ITK: variants seen among roughly 807,000 people sequenced by gnomAD.
ITK encodes tyrosine-protein kinase ITK/TSK.
In ITK, 45 loss-of-function variants were observed where a neutral mutation model predicts 87.6. The ratio of observed to expected loss-of-function variants is 0.51; its 90% CI spans 0.40 to 0.66. The LOEUF (loss-of-function observed/expected upper bound fraction) is 0.66. Ranked by LOEUF, ITK falls within the 30% of genes least tolerant of loss-of-function variation. The pLI is 0.00. For synonymous variants in ITK, 303 were observed against 273.6 expected, an observed-to-expected ratio of 1.11 and a Z score of -1.06; for missense variants, 605 against 766.3, an observed-to-expected ratio of 0.79 and a Z score of 2.48.
chr5:157,208,039 T>C (rs528648123), intron 1 of ITK, among the ~76,000 whole-genome samples: 2 of 152,290 alleles, frequency 1.3e-5, no homozygotes, highest in East Asian at 3.9e-4. Context: ...CTGAATTCCA[T>C]AGCTGAATTC....
chr5:157,218,801 T>A (rs1383544027), intron 5 of ITK, among the ~76,000 whole-genome samples: 1 of 152,118 alleles, frequency 6.6e-6, no homozygotes, highest in Non-Finnish European at 1.5e-5. Context: ...GTTCTCAAAG[T>A]ATAGTCCATG....
At chr5:157,241,297 C>T (rs1262653269) in intron 10 of ITK, 2 of 173,622 alleles carry the variant, frequency 1.2e-5, no homozygotes, top group Admixed American at 6.0e-5. Flanking sequence ...TATCAGCACC[C>T]ACACAGGAGA....
intron 1 of ITK, among the ~76,000 whole-genome samples, chr5:157,188,788 ATT>A (rs1158858212): frequency 8.5e-5 from 13 of 152,124 alleles, no homozygotes; most frequent in African/African-American, 2.9e-4. Flanking sequence ...TCTGTTGTTG[ATT>A]TATTTCCCAT....
intron 1 of ITK, among the ~76,000 whole-genome samples, chr5:157,181,862 CTA>C (rs756073130): frequency 6.6e-6 from 1 of 152,148 alleles, no homozygotes; most frequent in Non-Finnish European, 1.5e-5. Context: ...CTTAACATCA[CTA>C]ATAACAAAAG....
At chr5:157,207,337 C>T (rs190764813) in intron 1 of ITK, among the ~76,000 whole-genome samples, 188 of 150,298 alleles carry the variant, frequency 1.3e-3, no homozygotes, top group African/African-American at 4.3e-3. Context: ...CTCACAGACA[C>T]ACCCCAAAAT....
chr5:157,232,536 T>G, intron 8 of ITK, 142 bp downstream of exon 8: 2 of 670,124 alleles, frequency 3.0e-6, no homozygotes, highest in Non-Finnish European at 5.5e-6. Flanking sequence ...GAGCTATCAT[T>G]GTACCACTGC....
intron 1 of ITK, chr5:157,199,904 TA>T (rs1753931697): frequency 6.6e-6 from 1 of 152,216 alleles, no homozygotes; most frequent in African/African-American, 2.4e-5. Flanking sequence ...CCCCCTCATC[TA>T]TCTATCAAGC....
chr5:157,205,293 C>A (rs1203649888), intron 1 of ITK, among the ~76,000 whole-genome samples: 1 of 152,024 alleles, frequency 6.6e-6, no homozygotes, highest in Non-Finnish European at 1.5e-5. Flanking sequence ...AGGCAGAGAC[C>A]TACTTTAAAC....
chr5:157,220,964 T>C (rs1466559232), intron 5 of ITK, among the ~76,000 whole-genome samples: 2 of 152,160 alleles, frequency 1.3e-5, no homozygotes, highest in African/African-American at 4.8e-5. Flanking sequence ...GCTCAAGCCA[T>C]CCTCCCTCCT....
intron 1 of ITK, among the ~76,000 whole-genome samples, chr5:157,193,208 G>A (rs1480298920): frequency 3.3e-5 from 5 of 152,154 alleles, no homozygotes; most frequent in Non-Finnish European, 5.9e-5. Context: ...GCTACAGAGC[G>A]AGACCCTATC....
chr5:157,243,897 A>C (rs770122431), intron 12 of ITK, 103 bp downstream of exon 12: 33 of 1,090,732 alleles, frequency 3.0e-5, no homozygotes, highest in Non-Finnish European at 4.4e-5. Context: ...TCCCTGCGCA[A>C]ACTCCCAGCA....
At chr5:157,202,419 G>T (rs1753996131) in intron 1 of ITK, among the ~76,000 whole-genome samples, 3 of 152,084 alleles carry the variant, frequency 2.0e-5, no homozygotes, top group African/African-American at 7.3e-5. Context: ...TCACCATGTT[G>T]CCCAGGCTAG....
At chr5:157,210,607 A>T (rs891618169) in intron 2 of ITK, among the ~76,000 whole-genome samples, 2 of 150,554 alleles carry the variant, frequency 1.3e-5, no homozygotes, top group Non-Finnish European at 3.0e-5. Context: ...GGTTAGTTAC[A>T]TATGTATACA....
chr5:157,219,147 T>C (rs1410530830), intron 5 of ITK, among the ~76,000 whole-genome samples: 1 of 150,346 alleles, frequency 6.7e-6, no homozygotes, highest in East Asian at 2.0e-4. Context: ...AGTCTTGCTC[T>C]TGTCACCCAG....
intron 1 of ITK, among the ~76,000 whole-genome samples, chr5:157,198,293 T>C (rs184277479): frequency 1.8e-3 from 281 of 152,356 alleles, no homozygotes; most frequent in African/African-American, 6.4e-3. Context: ...TTCTTTTTCT[T>C]TTCTTTTCTT....
At chr5:157,214,454 T>A in intron 4 of ITK, 135 bp downstream of exon 4, 2 of 764,986 alleles carry the variant, frequency 2.6e-6, no homozygotes, top group Non-Finnish European at 4.5e-6. Context: ...AGAGGAATCA[T>A]CTGTCTTTCC....
chr5:157,244,160 A>G, intron 12 of ITK, 102 bp from the exon 13 acceptor site: 1 of 961,370 alleles, frequency 1.0e-6, no homozygotes. Flanking sequence ...TCCAAACCAT[A>G]AATTAGACAA....
intron 15 of ITK, among the ~76,000 whole-genome samples, chr5:157,247,576 A>C (rs865888509): frequency 2.6e-5 from 4 of 152,302 alleles, no homozygotes; most frequent in Middle Eastern, 3.4e-3. Flanking sequence ...GGGGCATATT[A>C]CCATTACAGG....
intron 1 of ITK, among the ~76,000 whole-genome samples, chr5:157,188,816 AGAT>A (rs1753695818): frequency 6.6e-6 from 1 of 152,156 alleles, no homozygotes; most frequent in South Asian, 2.1e-4. Context: ...CAAAGCACAT[AGAT>A]ACCTTAGTAT....
Sources: gnomAD v4.1 joint callset for allele counts (sites outside exome capture counted in the v4.1 genomes callset) on GRCh38, gnomAD v4.1.1 for gene constraint, MANE v1.5 for transcripts, NCBI Gene and HGNC (gene_info 2026-07-23, HGNC 2026-07-21) for gene names.